Variants in LETM2 observed in about 807,000 individuals in gnomAD.
The protein encoded by LETM2 is leucine zipper and EF-hand containing transmembrane protein 2, also known as LETM1 domain-containing protein LETM2, mitochondrial.
LETM2 carries 58 observed loss-of-function variants against 59.6 expected under a neutral mutation model. That is an observed-to-expected ratio of 0.97 (90% CI 0.79 to 1.21). LETM2 has a LOEUF of 1.21. Among genes scored for constraint, LETM2 ranks in the 50% most tolerant of loss-of-function variants. The pLI, the probability that LETM2 is intolerant of heterozygous loss-of-function variation, is 0.00. For missense variants in LETM2, 572 were observed against 575.7 expected, an observed-to-expected ratio of 0.99 and a Z score of 0.07; for synonymous variants, 199 against 214.1, an observed-to-expected ratio of 0.93 and a Z score of 0.62.
chr8:38,390,249 G>C (rs1255059571), intron 2 of LETM2, among the ~76,000 whole-genome samples: 1 of 151,876 alleles, frequency 6.6e-6, no homozygotes, highest in Non-Finnish European at 1.5e-5. Flanking sequence ...TTGGGAGGCC[G>C]AGGTAGGAAG....
chr8:38,395,156 A>G (rs906090017), intron 4 of LETM2, among the ~76,000 whole-genome samples: 2 of 152,176 alleles, frequency 1.3e-5, no homozygotes, highest in African/African-American at 4.8e-5. Flanking sequence ...CCAGTTTTTG[A>G]CAATTATGAA....
At position 38,399,949 on chromosome 8, in the gene LETM2, A is replaced by AAGAGAG. The variant is rs3138841; in HGVS notation, c.646-299_646-294dup. On this transcript the variant is annotated intron_variant, in intron 4 of 10. Transcript: ENST00000379957. ...CAACAGAGTGGGACTTGATCTCAAA[A>AAGAGAG]AGAGAGAGAGAGAGAGAGAGAGAGA... Among the ~76,000 whole-genome samples, 256 of 148,062 alleles carry AAGAGAG rather than the reference A, an allele frequency of 1.7e-3. 1 individual carries two copies. The highest frequency in any genetic ancestry group is 7.1e-3 in the Middle Eastern group (2 of 282).
chr8:38,394,054 A>G, intron 3 of LETM2, 44 bp from the exon 4 acceptor site: 1 of 1,339,342 alleles, frequency 7.5e-7, no homozygotes, highest in Admixed American at 3.5e-5. Flanking sequence ...TGTTTTTGGC[A>G]TGCCCTAAAA....
At chr8:38,387,076 A>G (rs1811828535) in intron 1 of LETM2, 1 of 152,188 alleles carries the variant, frequency 6.6e-6, no homozygotes, top group Non-Finnish European at 1.5e-5. Flanking sequence ...GGGCGGCGCC[A>G]ATGCGAGTGC....
At chr8:38,384,044 T>C (rs1394359221), upstream of LETM2, among the ~76,000 whole-genome samples, 1 of 152,166 alleles carries the variant, frequency 6.6e-6, no homozygotes, top group East Asian at 1.9e-4. Context: ...ATTTGTGATA[T>C]GACATTTTAA....
At position 38,400,222 on chromosome 8, in the gene LETM2, C is replaced by T. The variant is rs1288590947; in HGVS notation, c.646-50C>T. On this transcript the variant is annotated intron_variant, in intron 4 of 10. Coordinates refer to ENST00000379957, the MANE Select transcript of LETM2 (RefSeq NM_001286819.2). ...TTATTTTTCTCCCATCTTTATCTAC[C>T]AATTTACAATCACGAAGGATTGAGT... is the stretch of plus-strand genomic sequence containing the variant. 3 of 1,451,864 alleles carry T rather than the reference C, an allele frequency of 2.1e-6. No individual in the cohort carries two copies. In the South Asian group the frequency reaches 3.8e-5, roughly 18 times the overall value. The allele number at this position is 1,451,864 out of a possible 1,614,324, so 89.9% of individuals were successfully genotyped here.
upstream of LETM2, chr8:38,382,660 G>C (rs954702321): frequency 1.3e-5 from 2 of 152,290 alleles, no homozygotes; most frequent in African/African-American, 4.8e-5. The surrounding 1 kb of genome is among the most constrained non-coding windows in gnomAD (Gnocchi z 4.2). Context: ...TCCTCAGGGT[G>C]ACTCGGCTCT....
intron 1 of LETM2, among the ~76,000 whole-genome samples, chr8:38,387,551 A>G (rs1811871210): frequency 6.6e-6 from 1 of 152,204 alleles, no homozygotes; most frequent in Admixed American, 6.5e-5. Flanking sequence ...CTAAATATAG[A>G]ACAATGCTAA....
rs910703001 is a variant in LETM2, at chr8:38,394,018, G to T, written c.502-80G>T. 40 of 1,136,722 alleles carry T rather than the reference G, an allele frequency of 3.5e-5. No individual in the cohort carries two copies. The African/African-American group carries it at 5.7e-4, about 16-fold the overall frequency. 70.4% of individuals were successfully genotyped at this position (1,136,722 alleles called of 1,614,324 possible). On this transcript the variant is annotated intron_variant, in intron 3 of 10. Coordinates refer to ENST00000379957, the MANE Select transcript of LETM2 (RefSeq NM_001286819.2). ...AAGAAAGAAAATGAAACAAGACAGG[G>T]TTTTTTTGGTTTTGTTTTTCATTTT...
At chr8:38,394,269 TAATA>T in intron 4 of LETM2, 28 bp downstream of exon 4, 1 of 1,350,752 alleles carries the variant, frequency 7.4e-7, no homozygotes, top group Non-Finnish European at 9.8e-7. Context: ...TAATAAAATT[TAATA>T]AACCTTATTA....
chr8:38,402,435 C>T, intron 6 of LETM2, 90 bp from the exon 7 acceptor site: 1 of 1,463,096 alleles, frequency 6.8e-7, no homozygotes, highest in Admixed American at 1.7e-5. Context: ...ATCCAAGCCT[C>T]TGATTCTGTT....
upstream of LETM2, chr8:38,386,186 T>A (rs1429735930): frequency 6.6e-6 from 1 of 152,232 alleles, no homozygotes; most frequent in East Asian, 1.9e-4. Flanking sequence ...CATATTAAGC[T>A]GTCAGGGAAA....
intron 1 of LETM2, 148 bp from the exon 2 acceptor site, chr8:38,387,802 G>C: frequency 1.8e-6 from 1 of 550,076 alleles, no homozygotes. Flanking sequence ...GAAAATATCT[G>C]ATTGTTGGAA....
Position 38,400,323 on chromosome 8 carries a change from C to A in LETM2, c.697C>A (p.Leu233Ile). Reference sequence around the variant, plus strand: ...TGTAAAGTTGGAACTAGCAAAATTTCTTCAAGAAACCATGACAGAAATGGC... The same window carrying A: ...TGTAAAGTTGGAACTAGCAAAATTTATTCAAGAAACCATGACAGAAATGGC... ...MAVKLELAKF[L>I]QETMTEMARR... The change falls in exon 5 of 11, where the codon CTT (leucine) becomes ATT (isoleucine). Residue 233 changes from leucine to isoleucine, a missense_variant. Physicochemically the swap from Leu to Ile is conservative, Grantham distance 5. Transcript: ENST00000379957. The A allele has an allele frequency of 6.2e-7, 1 of 1,613,376 alleles. No homozygotes were observed. Among genetic ancestry groups the A allele is most frequent in the Non-Finnish European group, 8.5e-7 (1 of 1,179,654 alleles).
rs374022996 is a variant in LETM2, at chr8:38,407,316, A to C, written c.1312-46A>C. The C allele has an allele frequency of 9.3e-5, 126 of 1,356,274 alleles. No homozygotes were observed. The African/African-American group carries it at 1.7e-3, about 18-fold the overall frequency. The allele number at this position is 1,356,274 out of a possible 1,614,324, so 84.0% of individuals were successfully genotyped here. The stretch of plus-strand genomic sequence containing the variant: ...GGTAGTGGACTGTAGATTAATACAC[A>C]TTTTCTTTTAAATCAGTAACCCAAC... On this transcript the variant is annotated intron_variant, in intron 9 of 10. Coordinates refer to ENST00000379957, the MANE Select transcript of LETM2 (RefSeq NM_001286819.2).
chr8:38,395,687 T>C (rs1023877153), intron 4 of LETM2, among the ~76,000 whole-genome samples: 1 of 152,146 alleles, frequency 6.6e-6, no homozygotes, highest in Non-Finnish European at 1.5e-5. Context: ...GGCTAATTTT[T>C]GTATTTTTAG....
At chr8:38,397,178 C>CTTTT in intron 4 of LETM2, 13 of 430,550 alleles carry the variant, frequency 3.0e-5, no homozygotes, top group South Asian at 6.5e-5. Flanking sequence ...AAAAGTGCAA[C>CTTTT]TTTTTTTTTT....
At chr8:38,387,663 A>G (rs1811877676) in intron 1 of LETM2, among the ~76,000 whole-genome samples, 1 of 152,108 alleles carries the variant, frequency 6.6e-6, no homozygotes, top group Non-Finnish European at 1.5e-5. Context: ...TTGAAGTTGC[A>G]TTACTAGATA....
chr8:38,406,579 T>C (rs1264548870), intron 8 of LETM2: 1 of 168,706 alleles, frequency 5.9e-6, no homozygotes, highest in Admixed American at 6.0e-5. Context: ...ACTCCAGCCT[T>C]GGTGACAGAG....
Sources: allele counts gnomAD v4.1 joint callset (sites outside exome capture counted in the v4.1 genomes callset), GRCh38; gene constraint gnomAD v4.1.1; non-coding constraint Gnocchi (gnomAD v3.1); transcripts MANE v1.5; gene names NCBI Gene and HGNC (gene_info 2026-07-23, HGNC 2026-07-21).